The following THNSL1 variants were observed in gnomAD, a reference collection of about 807,000 sequenced individuals.
The protein encoded by THNSL1 is threonine synthase like 1.
Under a neutral mutation model 50.4 loss-of-function variants are expected in THNSL1, and 48 were observed. That is an observed-to-expected ratio of 0.95 (90% CI 0.76 to 1.21). THNSL1 has a LOEUF of 1.21. Ranked by LOEUF, THNSL1 falls within the 50% of genes most tolerant of loss-of-function variation. The probability of loss-of-function intolerance (pLI) is 0.00; values close to 1 mark genes in which losing one functional copy is unlikely to be tolerated. For synonymous variants in THNSL1, 309 were observed against 306.1 expected, an observed-to-expected ratio of 1.01 and a Z score of -0.10; for missense variants, 896 against 871.7, an observed-to-expected ratio of 1.03 and a Z score of -0.35.
Position 25,021,774 on chromosome 10 carries a change from A to C in THNSL1, c.-183A>C, listed in dbSNP as rs1300539724. On this transcript the variant is annotated 5_prime_UTR_variant, in exon 2 of 3. Coordinates refer to ENST00000376356, the MANE Select transcript of THNSL1 (RefSeq NM_024838.5). ...GTTTTGCAAAGATCGGTTTTGCCTC[A>C]GAGTCAACAAACTCTTCAGATTGGT... 6.6e-6 allele frequency: 1 copy of C among 152,190 alleles called. No homozygotes were observed. The highest frequency in any genetic ancestry group is 1.5e-5 in the Non-Finnish European group (1 of 68,024). 9.4% of individuals were successfully genotyped at this position (152,190 alleles called of 1,614,324 possible).
chr10:24,999,756 A>G, the THNSL1 span, among the ~76,000 whole-genome samples: 1 of 152,198 alleles, frequency 6.6e-6, no homozygotes, highest in Non-Finnish European at 1.5e-5. Context: ...TGCTAGGGCA[A>G]AAGTGTTCAT....
the THNSL1 span, among the ~76,000 whole-genome samples, chr10:25,002,323 CCT>C: frequency 6.6e-6 from 1 of 152,178 alleles, no homozygotes; most frequent in African/African-American, 2.4e-5. Flanking sequence ...TTTCCACAGT[CCT>C]CTCTCTATGC....
chr10:24,986,819 T>C, the THNSL1 span, among the ~76,000 whole-genome samples: 1 of 152,230 alleles, frequency 6.6e-6, no homozygotes. Context: ...AGAGGTTTTT[T>C]CATTATTTCA....
At chr10:24,971,690 T>C in the THNSL1 span, among the ~76,000 whole-genome samples, 1 of 152,212 alleles carries the variant, frequency 6.6e-6, no homozygotes, top group Admixed American at 6.5e-5. Context: ...TGGGATGTTT[T>C]GGTGGAAGAG....
At chr10:25,017,037 CG>C (rs1445165248) in intron 1 of THNSL1, among the ~76,000 whole-genome samples, 1 of 152,174 alleles carries the variant, frequency 6.6e-6, no homozygotes, top group Middle Eastern at 3.2e-3. Flanking sequence ...CCCCTGCTCC[CG>C]GGACCGCCCC....
rs375351325 is a variant in THNSL1, at chr10:25,024,144, T to C, written c.921T>C (p.Ala307=). 6.2e-6 allele frequency: 10 copies of C among 1,614,090 alleles called. No homozygotes were observed. Among genetic ancestry groups the C allele is most frequent in the African/African-American group, 1.3e-5 (1 of 74,950 alleles). The stretch of plus-strand genomic sequence containing the variant: ...GTATCCATCCTGCAGACATACCTGC[T>C]GCCAGGTTGGGAGAAATGATTGAAA... ...ERCIHPADIP[A]ARLGEMIETA... The change falls in exon 3 of 3, where the codon GCT becomes GCC. Residue 307 remains alanine, a synonymous_variant. Transcript: ENST00000376356.
intron 1 of THNSL1, among the ~76,000 whole-genome samples, chr10:25,018,798 A>G (rs925993725): frequency 1.3e-5 from 2 of 152,020 alleles, no homozygotes; most frequent in Admixed American, 1.3e-4. Flanking sequence ...TCAAAGTTAT[A>G]GAATTGTGGA....
At chr10:24,953,585 C>T in the THNSL1 span, 1 of 152,306 alleles carries the variant, frequency 6.6e-6, no homozygotes, top group South Asian at 2.1e-4. Flanking sequence ...TTGTCCACTC[C>T]TGTAGGTTCC....
chr10:24,989,292 T>C, the THNSL1 span, among the ~76,000 whole-genome samples: 1 of 152,194 alleles, frequency 6.6e-6, no homozygotes, highest in African/African-American at 2.4e-5. Context: ...CCTTCCTCCT[T>C]TGCAGCAGAC....
chr10:24,978,753 G>C, the THNSL1 span, among the ~76,000 whole-genome samples: 3 of 152,128 alleles, frequency 2.0e-5, no homozygotes, highest in Admixed American at 2.0e-4. Flanking sequence ...GCGCTTTCCT[G>C]CATTCCGATC....
At chr10:24,997,815 AT>A in the THNSL1 span, among the ~76,000 whole-genome samples, 4 of 151,334 alleles carry the variant, frequency 2.6e-5, no homozygotes, top group Non-Finnish European at 1.5e-5. Flanking sequence ...ATTTATATAT[AT>A]ATATATATAT....
intron 1 of THNSL1, among the ~76,000 whole-genome samples, chr10:25,017,101 C>CT (rs1850614088): frequency 6.6e-6 from 1 of 152,212 alleles, no homozygotes; most frequent in Admixed American, 6.5e-5. Context: ...GGTCGGGACT[C>CT]TTCCTCTAGG....
the THNSL1 span, among the ~76,000 whole-genome samples, chr10:24,993,059 C>T: frequency 6.6e-6 from 1 of 152,176 alleles, no homozygotes; most frequent in Non-Finnish European, 1.5e-5. Flanking sequence ...TTTGGGACAG[C>T]TAGGCAGGAG....
the THNSL1 span, among the ~76,000 whole-genome samples, chr10:24,956,193 A>G: frequency 6.6e-6 from 1 of 152,002 alleles, no homozygotes; most frequent in African/African-American, 2.4e-5. Context: ...TGTTTGGGAA[A>G]ATTGCATGTC....
chr10:24,977,629 T>C, the THNSL1 span, among the ~76,000 whole-genome samples: 1 of 152,112 alleles, frequency 6.6e-6, no homozygotes, highest in Non-Finnish European at 1.5e-5. Context: ...TATGTATTAA[T>C]AAAAAAATGA....
chr10:24,991,531 A>G, the THNSL1 span, among the ~76,000 whole-genome samples: 7 of 152,240 alleles, frequency 4.6e-5, 1 homozygote, highest in South Asian at 1.5e-3. Context: ...AATGGGCACC[A>G]GCATGCCGGC....
chr10:24,972,191 TA>T, the THNSL1 span, among the ~76,000 whole-genome samples: 6,938 of 118,644 alleles, frequency 0.058, 363 homozygotes, highest in African/African-American at 0.15. Context: ...GACTCTATCT[TA>T]AAAAAAAAAA....
chr10:24,984,550 A>C, the THNSL1 span: 1 of 1,094,104 alleles, frequency 9.1e-7, no homozygotes, highest in South Asian at 1.8e-5. Flanking sequence ...CACTAGTAAA[A>C]ACAAAATTTC....
In THNSL1 at chr10:25,024,946, C is replaced by T; in HGVS notation, c.1723C>T (p.His575Tyr). The change falls in exon 3 of 3, where the codon CAT becomes TAT. Residue 575 changes from histidine (H) to tyrosine (Y), a missense_variant. By Grantham distance (83) the His-to-Tyr change is moderately conservative. Coordinates refer to ENST00000376356, the MANE Select transcript of THNSL1 (RefSeq NM_024838.5). ...DILKSSNLER[H>Y]LHLMANKDGQ... ...TCTCAAATCTTCAAACCTAGAACGACATTTACACTTGATGGCTAATAAAGA... is the reference window on the plus strand; with the variant it reads ...TCTCAAATCTTCAAACCTAGAACGATATTTACACTTGATGGCTAATAAAGA... 1.9e-6 allele frequency: 3 copies of T among 1,614,068 alleles called. No homozygotes were observed. The South Asian group carries it at 3.3e-5, about 18-fold the overall frequency.
Sources: gnomAD v4.1 joint callset for allele counts (sites outside exome capture counted in the v4.1 genomes callset) on GRCh38, gnomAD v4.1.1 for gene constraint, MANE v1.5 for transcripts, NCBI Gene and HGNC (gene_info 2026-07-23, HGNC 2026-07-21) for gene names.